CNTLN: variants seen among roughly 807,000 people sequenced by gnomAD.
CNTLN encodes the protein centlein, centrosomal protein.
A neutral mutation model predicts 180.0 loss-of-function variants in CNTLN; 212 were observed. The ratio of observed to expected loss-of-function variants is 1.18; its 90% CI spans 1.05 to 1.32. The LOEUF is 1.32. Among genes scored for constraint, CNTLN ranks in the 40% most tolerant of loss-of-function variants. The pLI is 0.00. For synonymous variants in CNTLN, 722 were observed against 563.1 expected (o/e 1.28, Z -3.99); for missense variants, 2,095 against 1,610.9 (o/e 1.30, Z -5.14).
At chr9:17,421,432 TC>T (rs1193128979) in intron 18 of CNTLN, among the ~76,000 whole-genome samples, 1 of 152,122 alleles carries the variant, frequency 6.6e-6, no homozygotes, top group Non-Finnish European at 1.5e-5. Flanking sequence ...TCTTTTTCTA[TC>T]CCTTTATTTT....
chr9:17,169,583 A>T (rs10962890), intron 2 of CNTLN, among the ~76,000 whole-genome samples: 1 of 152,078 alleles, frequency 6.6e-6, no homozygotes, highest in Non-Finnish European at 1.5e-5. Context: ...TGTGTATGGC[A>T]TAAGATAAGG....
intron 2 of CNTLN, among the ~76,000 whole-genome samples, chr9:17,203,393 TG>T (rs201051326): frequency 0.013 from 2,047 of 152,276 alleles, 50 homozygotes; most frequent in African/African-American, 0.047. Context: ...CTTGCTAGGT[TG>T]GGGATGTTCT....
chr9:17,145,670 C>T (rs1206508231), intron 2 of CNTLN, among the ~76,000 whole-genome samples: 1 of 152,076 alleles, frequency 6.6e-6, no homozygotes, highest in Non-Finnish European at 1.5e-5. Context: ...TCCTCTTTGG[C>T]TTATGGTATG....
At chr9:17,289,004 T>G (rs924972356) in intron 6 of CNTLN, among the ~76,000 whole-genome samples, 2 of 123,154 alleles carry the variant, frequency 1.6e-5, no homozygotes, top group Non-Finnish European at 3.3e-5. Flanking sequence ...TTTAGTCCAT[T>G]TACATTTAAA....
At chr9:17,343,175 C>G (rs1330657251) in intron 12 of CNTLN, among the ~76,000 whole-genome samples, 2 of 152,130 alleles carry the variant, frequency 1.3e-5, no homozygotes, top group African/African-American at 2.4e-5. Context: ...AATTCACAGG[C>G]TATTATATTC....
intron 5 of CNTLN, among the ~76,000 whole-genome samples, chr9:17,268,653 G>C (rs891626518): frequency 2.0e-5 from 3 of 152,132 alleles, no homozygotes; most frequent in African/African-American, 7.2e-5. Flanking sequence ...AGCCTACAGA[G>C]GCAGGCAGGC....
chr9:17,339,364 T>A (rs1200440597), intron 10 of CNTLN, among the ~76,000 whole-genome samples: 1 of 152,186 alleles, frequency 6.6e-6, no homozygotes, highest in East Asian at 1.9e-4. Context: ...TGTTAACATG[T>A]GGGAAAAGGA....
At chr9:17,500,902 C>T (rs1028784854) in intron 25 of CNTLN, among the ~76,000 whole-genome samples, 4 of 152,162 alleles carry the variant, frequency 2.6e-5, no homozygotes, top group African/African-American at 7.2e-5. Flanking sequence ...GTAAAACTGG[C>T]ATCTTTGTCC....
chr9:17,196,990 G>A (rs921826105), intron 2 of CNTLN, among the ~76,000 whole-genome samples: 17 of 151,940 alleles, frequency 1.1e-4, no homozygotes, highest in Non-Finnish European at 1.5e-4. Flanking sequence ...AACCCCCTCC[G>A]TTCCACTACA....
At chr9:17,155,116 G>A (rs1009433641) in intron 2 of CNTLN, among the ~76,000 whole-genome samples, 4 of 152,136 alleles carry the variant, frequency 2.6e-5, no homozygotes, top group Non-Finnish European at 5.9e-5. Flanking sequence ...GCAAGACCAC[G>A]AACCCACTGG....
At chr9:17,450,314 GT>G (rs899025351) in intron 18 of CNTLN, among the ~76,000 whole-genome samples, 6 of 151,452 alleles carry the variant, frequency 4.0e-5, no homozygotes, top group African/African-American at 1.5e-4. Flanking sequence ...CATGAAAAGA[GT>G]TTTTTTTTCT....
At chr9:17,288,991 G>A (rs1437922183) in intron 6 of CNTLN, among the ~76,000 whole-genome samples, 1 of 121,854 alleles carries the variant, frequency 8.2e-6, no homozygotes, top group Admixed American at 8.1e-5. Flanking sequence ...TTTAATTGGA[G>A]AATTTAGTCC....
intron 22 of CNTLN, among the ~76,000 whole-genome samples, chr9:17,466,468 C>T (rs1831754391): frequency 6.6e-6 from 1 of 151,250 alleles, no homozygotes; most frequent in African/African-American, 2.4e-5. Flanking sequence ...AAAATAGCTT[C>T]CATGCTTTTA....
At chr9:17,515,720 G>A in the CNTLN span, among the ~76,000 whole-genome samples, 1 of 152,054 alleles carries the variant, frequency 6.6e-6, no homozygotes, top group Non-Finnish European at 1.5e-5. Context: ...GCTCATCACT[G>A]CCTTCCCCAT....
At chr9:17,283,473 A>G (rs201865712) in intron 6 of CNTLN, among the ~76,000 whole-genome samples, 9 of 152,258 alleles carry the variant, frequency 5.9e-5, no homozygotes, top group South Asian at 2.1e-4. Flanking sequence ...CTGAAGTTGC[A>G]TATCAGCTTG....
intron 2 of CNTLN, among the ~76,000 whole-genome samples, chr9:17,165,420 G>C (rs191739334): frequency 4.7e-4 from 71 of 152,300 alleles, no homozygotes; most frequent in African/African-American, 1.3e-3. Context: ...ATTCTAGAAT[G>C]ATGTAAGGTG....
At chr9:17,424,076 G>C (rs1286543912) in intron 18 of CNTLN, among the ~76,000 whole-genome samples, 1 of 152,114 alleles carries the variant, frequency 6.6e-6, no homozygotes, top group East Asian at 1.9e-4. Context: ...AGTCACTGGA[G>C]TTCTGTTTGG....
At chr9:17,400,599 A>G (rs553088332) in intron 15 of CNTLN, among the ~76,000 whole-genome samples, 4 of 152,342 alleles carry the variant, frequency 2.6e-5, no homozygotes, top group African/African-American at 7.2e-5. Context: ...AATAGGCATA[A>G]TGATAGGATC....
intron 2 of CNTLN, among the ~76,000 whole-genome samples, chr9:17,200,495 G>A (rs1385167933): frequency 3.9e-5 from 6 of 151,980 alleles, no homozygotes; most frequent in Admixed American, 3.9e-4. Flanking sequence ...ATTTGTTTTT[G>A]ACCTCTCTTA....
Sources: gnomAD v4.1 joint callset for allele counts (sites outside exome capture counted in the v4.1 genomes callset) on GRCh38, gnomAD v4.1.1 for gene constraint, MANE v1.5 for transcripts, NCBI Gene and HGNC (gene_info 2026-07-23, HGNC 2026-07-21) for gene names.